The following NEGR1 variants were observed in gnomAD, a reference collection of about 807,000 sequenced individuals.
The protein encoded by NEGR1 is neuronal growth regulator 1.
A neutral mutation model predicts 40.9 loss-of-function variants in NEGR1; 10 were observed. The ratio of observed to expected loss-of-function variants is 0.24; its 90% CI spans 0.15 to 0.42. NEGR1 has a LOEUF of 0.42. NEGR1 is among the 10% of genes least tolerant of loss of function. The probability of loss-of-function intolerance (pLI) is 1.00; values close to 1 mark genes in which losing one functional copy is unlikely to be tolerated. For missense variants in NEGR1, 352 were observed against 438.9 expected (o/e 0.80, Z 1.77); for synonymous variants, 185 against 166.8 (o/e 1.11, Z -0.84).
chr1:72,241,762 C>T (rs527391545), intron 1 of NEGR1, among the ~76,000 whole-genome samples: 21 of 151,306 alleles, frequency 1.4e-4, no homozygotes, highest in African/African-American at 4.8e-4. Flanking sequence ...CTAGAAATCA[C>T]CCAAATTACA....
intron 3 of NEGR1, among the ~76,000 whole-genome samples, chr1:71,717,274 G>T (rs1654308852): frequency 6.6e-6 from 1 of 152,172 alleles, no homozygotes; most frequent in Non-Finnish European, 1.5e-5. Context: ...GTTTCAACTG[G>T]GTATCAGAAA....
chr1:72,018,242 T>C (rs1042246617), intron 1 of NEGR1, among the ~76,000 whole-genome samples: 1 of 152,174 alleles, frequency 6.6e-6, no homozygotes, highest in Non-Finnish European at 1.5e-5. Context: ...GAGCCAGATA[T>C]TTTCCTAAGG....
At chr1:71,775,592 T>G (rs1032157951) in intron 3 of NEGR1, among the ~76,000 whole-genome samples, 2 of 152,102 alleles carry the variant, frequency 1.3e-5, no homozygotes, top group Non-Finnish European at 2.9e-5. Flanking sequence ...GTGAGCTGCC[T>G]GCCTCGACCT....
In NEGR1 at chr1:71,732,523, C is replaced by T. The variant is rs61766993; in HGVS notation, c.536-34384G>A. ...GTGTGTGTGTGTGTGTGTGTGTGCG[C>T]GCGCGCGCCAGCTTGTGTTCTTTTT... On this transcript the variant is annotated intron_variant, in intron 3 of 6. Coordinates refer to ENST00000357731, the MANE Select transcript of NEGR1 (RefSeq NM_173808.3). 5.1e-4 allele frequency among the ~76,000 whole-genome samples: 57 copies of T among 112,270 alleles called. No homozygotes were observed. The South Asian group carries it at 6.1e-3, about 12-fold the overall frequency. 73.7% of individuals were successfully genotyped at this position (112,270 alleles called of 152,430 possible).
chr1:71,995,102 A>G (rs2801324), intron 1 of NEGR1, among the ~76,000 whole-genome samples: 54,087 of 151,572 alleles, frequency 0.36, 10,538 homozygotes, highest in African/African-American at 0.51. Flanking sequence ...AGCTCAATGT[A>G]TAAGCAAGTA....
intron 6 of NEGR1, among the ~76,000 whole-genome samples, chr1:71,493,060 C>G (rs546445359): frequency 3.9e-5 from 6 of 152,272 alleles, no homozygotes; most frequent in African/African-American, 1.4e-4. Context: ...TACTCCCCAT[C>G]TAGCCATATA....
chr1:71,704,803 C>A (rs1653829994), intron 3 of NEGR1, among the ~76,000 whole-genome samples: 1 of 151,270 alleles, frequency 6.6e-6, no homozygotes, highest in Non-Finnish European at 1.5e-5. Context: ...AATATCAGGA[C>A]AAAAAATATC....
In NEGR1 at chr1:71,682,394, T is replaced by C. The variant is rs188264023; in HGVS notation, c.667+15614A>G. Reference sequence around the variant, plus strand: ...TTGTAAAGTTTATTTTTCTTGTCTGTTGTTTTCACTGATTATTATTCATGT... The same window carrying C: ...TTGTAAAGTTTATTTTTCTTGTCTGCTGTTTTCACTGATTATTATTCATGT... On this transcript the variant is annotated intron_variant, in intron 4 of 6. Coordinates refer to ENST00000357731, the MANE Select transcript of NEGR1 (RefSeq NM_173808.3). 6.6e-5 allele frequency among the ~76,000 whole-genome samples: 10 copies of C among 152,322 alleles called. No individual in the cohort carries two copies. The East Asian group carries it at 1.9e-3, about 29-fold the overall frequency.
chr1:71,953,184 C>T (rs974742127), intron 1 of NEGR1, among the ~76,000 whole-genome samples: 2 of 151,962 alleles, frequency 1.3e-5, no homozygotes, highest in Non-Finnish European at 1.5e-5. Context: ...ATTGTTTCCA[C>T]AGATAGTGAT....
chr1:71,705,336 G>A (rs1653852160), intron 3 of NEGR1, among the ~76,000 whole-genome samples: 1 of 152,110 alleles, frequency 6.6e-6, no homozygotes, highest in African/African-American at 2.4e-5. Flanking sequence ...ACTCTGGGTT[G>A]AGCTAAAGGT....
chr1:72,096,307 G>A (rs1284003521), intron 1 of NEGR1, among the ~76,000 whole-genome samples: 2 of 152,086 alleles, frequency 1.3e-5, no homozygotes, highest in Non-Finnish European at 2.9e-5. Flanking sequence ...GCGCAGAGAA[G>A]ATAGTAAAGT....
intron 3 of NEGR1, among the ~76,000 whole-genome samples, chr1:71,752,686 C>T (rs1326612444): frequency 1.3e-5 from 2 of 149,522 alleles, no homozygotes; most frequent in Non-Finnish European, 2.9e-5. Flanking sequence ...TCTCCCCGGT[C>T]TATAAATCAA....
chr1:72,151,917 T>C (rs1651141458), intron 1 of NEGR1, among the ~76,000 whole-genome samples: 2 of 151,800 alleles, frequency 1.3e-5, no homozygotes, highest in South Asian at 2.1e-4. Context: ...CAAGGTGAAT[T>C]TGACATAGTA....
chr1:71,980,301 T>G (rs547845809), intron 1 of NEGR1, among the ~76,000 whole-genome samples: 1 of 152,252 alleles, frequency 6.6e-6, no homozygotes, highest in Non-Finnish European at 1.5e-5. Flanking sequence ...TGTAAGTCAT[T>G]ATTATTTGGC....
At chr1:71,978,723 A>G (rs1646328976) in intron 1 of NEGR1, among the ~76,000 whole-genome samples, 1 of 152,322 alleles carries the variant, frequency 6.6e-6, no homozygotes, top group African/African-American at 2.4e-5. Flanking sequence ...GCAAGGTTGC[A>G]GAGAAAAGGA....
chr1:71,680,373 A>G (rs1454852940), intron 4 of NEGR1, among the ~76,000 whole-genome samples: 1 of 151,854 alleles, frequency 6.6e-6, no homozygotes, highest in Non-Finnish European at 1.5e-5. Context: ...TTTCCATTCC[A>G]TTTCAATTTC....
intron 1 of NEGR1, among the ~76,000 whole-genome samples, chr1:71,943,279 A>G: frequency 6.7e-6 from 1 of 149,922 alleles, no homozygotes; most frequent in East Asian, 2.0e-4. Context: ...ACACATATAT[A>G]CACATGTATC....
rs115451383 is a variant in NEGR1, at chr1:71,510,283, T to G, written c.940+82534A>C. Among the ~76,000 whole-genome samples the G allele has an allele frequency of 3.2e-3, 489 of 152,266 alleles. 2 individuals carry two copies. The highest frequency in any genetic ancestry group is 0.011 in the African/African-American group (458 of 41,566). ...ACTTACCAGCAAAATAACCTGATAC[T>G]ATTAAAAACCAAATTAAACTCACTG... On this transcript the variant is annotated intron_variant, in intron 6 of 6. Transcript: ENST00000357731.
At chr1:71,684,053 G>A (rs1269435977) in intron 4 of NEGR1, among the ~76,000 whole-genome samples, 2 of 152,094 alleles carry the variant, frequency 1.3e-5, no homozygotes, top group African/African-American at 2.4e-5. Flanking sequence ...GGCAGATCAC[G>A]AGGTCAGGAG....
Sources: allele counts gnomAD v4.1 joint callset (sites outside exome capture counted in the v4.1 genomes callset), GRCh38; gene constraint gnomAD v4.1.1; transcripts MANE v1.5; gene names NCBI Gene and HGNC (gene_info 2026-07-23, HGNC 2026-07-21).